SGTB: variants seen among roughly 807,000 people sequenced by gnomAD.
SGTB encodes the protein small glutamine rich tetratricopeptide repeat co-chaperone beta.
In SGTB, 19 loss-of-function variants were observed where a neutral mutation model predicts 43.9. The observed-to-expected ratio is 0.43, with a 90% CI of 0.30 to 0.63. The LOEUF (loss-of-function observed/expected upper bound fraction) is 0.63, where lower values mean the gene tolerates loss of function less well. Ranked by LOEUF, SGTB falls within the 30% of genes least tolerant of loss-of-function variation. The pLI is 0.12. For synonymous variants in SGTB, 116 were observed against 117.3 expected (o/e 0.99, Z 0.07); for missense variants, 304 against 358.9 (o/e 0.85, Z 1.24).
At chr5:65,715,515 A>C (rs1468591190) in intron 2 of SGTB, among the ~76,000 whole-genome samples, 1 of 152,252 alleles carries the variant, frequency 6.6e-6, no homozygotes, top group African/African-American at 2.4e-5. Flanking sequence ...TAAGATCCAA[A>C]CCAACTAAGG....
chr5:65,705,426 A>C (rs1448768453), intron 4 of SGTB, among the ~76,000 whole-genome samples: 2 of 152,158 alleles, frequency 1.3e-5, no homozygotes. Context: ...GCATTCCAGC[A>C]TGGGTGACAG....
chr5:65,676,733 G>A (rs1268302809), intron 8 of SGTB, among the ~76,000 whole-genome samples: 1 of 151,994 alleles, frequency 6.6e-6, no homozygotes, highest in Non-Finnish European at 1.5e-5. Context: ...ATAAAATTAA[G>A]GCAGAACTTC....
intron 4 of SGTB, among the ~76,000 whole-genome samples, chr5:65,706,616 G>A (rs879476667): frequency 2.6e-4 from 39 of 152,174 alleles, no homozygotes; most frequent in Non-Finnish European, 5.0e-4. Context: ...TGGATCACCT[G>A]AGGTCAGGAG....
chr5:65,680,514 T>C lies in SGTB; in HGVS notation c.661A>G (p.Asn221Asp). 1 of 1,614,152 alleles carries C rather than the reference T, an allele frequency of 6.2e-7. No homozygotes were observed. The highest frequency in any genetic ancestry group is 1.1e-5 in the South Asian group (1 of 91,088). The change falls in exon 8 of 11, where the codon AAT becomes GAT. Residue 221 changes from asparagine to aspartate, a missense_variant. By Grantham distance (23) the Asn-to-Asp change is conservative. Transcript: ENST00000381007. ...CTCACCATACTAATGAAGGCTGGAT[T>C]ATTTATCAAGCTAGCCATGTCAAAG... ...LSFDMASLIN[N>D]PAFISMAASL... is the part of the protein sequence containing the mutation.
upstream of SGTB, chr5:65,722,372 C>T: frequency 1.0e-5 from 16 of 1,581,914 alleles, no homozygotes; most frequent in Non-Finnish European, 1.3e-5. Context: ...CTCAGCGCTC[C>T]CATGATCGCC....
intron 5 of SGTB, among the ~76,000 whole-genome samples, chr5:65,702,063 C>T (rs1352180088): frequency 6.6e-6 from 1 of 152,134 alleles, no homozygotes; most frequent in Non-Finnish European, 1.5e-5. Flanking sequence ...TAGAACATTT[C>T]GATCACTGTA....
intron 5 of SGTB, among the ~76,000 whole-genome samples, chr5:65,694,258 C>G (rs527857506): frequency 6.6e-6 from 1 of 151,788 alleles, no homozygotes; most frequent in Admixed American, 6.6e-5. Flanking sequence ...AGTGAAACCC[C>G]GTCTCTACTA....
At chr5:65,722,843 C>A (rs1257475728), upstream of SGTB, 1 of 164,842 alleles carries the variant, frequency 6.1e-6, no homozygotes, top group East Asian at 1.7e-4. Flanking sequence ...CGTTTAACAT[C>A]CACCCGAGAT....
chr5:65,702,647 G>GTAC (rs769436049), intron 5 of SGTB, among the ~76,000 whole-genome samples: 4 of 152,190 alleles, frequency 2.6e-5, no homozygotes, highest in Non-Finnish European at 5.9e-5. Flanking sequence ...TTTCATAAAG[G>GTAC]TACTAATCCT....
intron 8 of SGTB, among the ~76,000 whole-genome samples, chr5:65,678,109 G>C (rs1757318240): frequency 6.6e-6 from 1 of 152,180 alleles, no homozygotes; most frequent in South Asian, 2.1e-4. Context: ...TATTGTCTCA[G>C]TCGAGAAGTT....
At chr5:65,693,236 G>A (rs1369603762) in intron 5 of SGTB, among the ~76,000 whole-genome samples, 5 of 149,958 alleles carry the variant, frequency 3.3e-5, no homozygotes, top group Non-Finnish European at 7.4e-5. Flanking sequence ...GGGAAAGAGA[G>A]AAAGAGAGAG....
chr5:65,717,555 C>T (rs10052009), intron 2 of SGTB, among the ~76,000 whole-genome samples: 12,133 of 150,356 alleles, frequency 0.081, 647 homozygotes, highest in African/African-American at 0.14. Context: ...GCAGGCAGGC[C>T]GAGTATGTGG....
chr5:65,688,168 AG>A (rs1201006650), intron 5 of SGTB, among the ~76,000 whole-genome samples: 3 of 152,230 alleles, frequency 2.0e-5, no homozygotes, highest in Non-Finnish European at 2.9e-5. Flanking sequence ...TTTTTGAGAC[AG>A]ATTTTTAAAA....
intron 3 of SGTB, among the ~76,000 whole-genome samples, chr5:65,712,628 A>G (rs542129653): frequency 2.0e-5 from 3 of 152,326 alleles, no homozygotes; most frequent in East Asian, 3.9e-4. Flanking sequence ...GGAAACATCA[A>G]TTCAGATGCT....
In SGTB at chr5:65,720,780, C is replaced by T. The variant is rs1310595708; in HGVS notation, c.28G>A (p.Ala10Thr). ...TGTTCCCGTAAGAAACGAATAACTG[C>T]ATAAACCAGGTGCTTGATAGATGAC... MSSIKHLVY[A>T]VIRFLREQSQ... The change falls in exon 2 of 11, where the codon GCA (alanine) becomes ACA (threonine). Residue 10 changes from alanine to threonine, a missense_variant. Coordinates refer to ENST00000381007, the MANE Select transcript of SGTB (RefSeq NM_019072.3). 6.2e-7 allele frequency: 1 copy of T among 1,613,814 alleles called. No homozygotes were observed. Among genetic ancestry groups the T allele is most frequent in the South Asian group, 1.1e-5 (1 of 91,000 alleles).
Position 65,687,179 on chromosome 5 carries a change from G to A in SGTB, c.375-1707C>T, listed in dbSNP as rs73099333. 6.3e-3 allele frequency among the ~76,000 whole-genome samples: 960 copies of A among 152,264 alleles called. 7 individuals are homozygous for A. Among genetic ancestry groups the A allele is most frequent in the African/African-American group, 0.022 (921 of 41,536 alleles). On this transcript the variant is annotated intron_variant, in intron 5 of 10. Transcript: ENST00000381007. ...AATAGGAGTTTAGTTCTAATTAACA[G>A]GAAGATGATGAGAAATTCCCATCAT...
At chr5:65,675,274 C>T (rs766828445) in intron 8 of SGTB, among the ~76,000 whole-genome samples, 37 of 152,222 alleles carry the variant, frequency 2.4e-4, no homozygotes, top group Admixed American at 7.8e-4. Flanking sequence ...CAAATAAACT[C>T]TAAAGATAGA....
In SGTB at chr5:65,666,598, TA is replaced by T. The variant is rs1368809110; in HGVS notation, c.*3647del. On this transcript the variant is annotated 3_prime_UTR_variant, in exon 11 of 11. Coordinates refer to ENST00000381007, the MANE Select transcript of SGTB (RefSeq NM_019072.3). ...ATATATGGGGCATTTTTTATAAATT[TA>T]AAAGTAGCTAGCACAATCCAACCAC... The T allele has an allele frequency of 6.6e-6, 1 of 152,190 alleles. No individual in the cohort carries two copies. Among genetic ancestry groups the T allele is most frequent in the East Asian group, 1.9e-4 (1 of 5,198 alleles). 9.4% of individuals were successfully genotyped at this position (152,190 alleles called of 1,614,324 possible). A position where few individuals can be genotyped will look rare whatever the true frequency, so the allele number is the denominator to read the frequency against.
At chr5:65,689,518 AATTAT>A (rs1757565431) in intron 5 of SGTB, among the ~76,000 whole-genome samples, 1 of 152,208 alleles carries the variant, frequency 6.6e-6, no homozygotes, top group African/African-American at 2.4e-5. Flanking sequence ...ATTATAAACC[AATTAT>A]ATTGGTTTAT....
Sources: allele counts gnomAD v4.1 joint callset (sites outside exome capture counted in the v4.1 genomes callset), GRCh38; gene constraint gnomAD v4.1.1; transcripts MANE v1.5; gene names NCBI Gene and HGNC (gene_info 2026-07-23, HGNC 2026-07-21).